Variants in C6orf132 observed in about 807,000 individuals in gnomAD.
C6orf132 encodes the protein uncharacterized protein C6orf132.
A neutral mutation model predicts 65.3 loss-of-function variants in C6orf132; 43 were observed. The ratio of observed to expected loss-of-function variants is 0.66; its 90% CI spans 0.52 to 0.85. The LOEUF (loss-of-function observed/expected upper bound fraction) is 0.85, where lower values mean the gene tolerates loss of function less well. Ranked by LOEUF, C6orf132 falls within the 40% of genes least tolerant of loss-of-function variation. The pLI is 0.00. For synonymous variants in C6orf132, 631 were observed against 654.1 expected, an observed-to-expected ratio of 0.96 and a Z score of 0.54; for missense variants, 1,488 against 1,548.8, an observed-to-expected ratio of 0.96 and a Z score of 0.66.
rs543323297 is a variant in C6orf132 at position 42,105,917 on chromosome 6, G to A, written c.1995C>T (p.Ala665=). The change falls in exon 4 of 5, where the codon GCC becomes GCT. Residue 665 remains alanine, a synonymous_variant. Transcript: ENST00000341865. ...ATLWPATPPK[A]TLGPATPLKA... Reference sequence around the variant, plus strand: ...TGAGTGGTGTGGCTGGCCCAAGTGTGGCCTTGGGTGGTGTGGCTGGCCAAA... The same window carrying A: ...TGAGTGGTGTGGCTGGCCCAAGTGTAGCCTTGGGTGGTGTGGCTGGCCAAA... 1.3e-6 allele frequency: 2 copies of A among 1,536,932 alleles called. No individual in the cohort carries two copies. Among genetic ancestry groups the A allele is most frequent in the Non-Finnish European group, 1.7e-6 (2 of 1,146,892 alleles).
chr6:42,110,117 T>C, intron 3 of C6orf132, 99 bp downstream of exon 3: 1 of 983,246 alleles, frequency 1.0e-6, no homozygotes, highest in South Asian at 1.7e-5. Flanking sequence ...GACTCTGGCT[T>C]TGTCACCAGC....
chr6:42,106,939 G>C lies in C6orf132; in HGVS notation c.973C>G (p.Arg325Gly), dbSNP rs372514277. Residue 325 changes from arginine (R) to glycine (G), a missense_variant, in exon 4 of 5, where the codon CGA (arginine) becomes GGA (glycine). Transcript: ENST00000341865. Reference sequence around the variant, plus strand: ...TTCTTGGTGGCCCCCTCTTCCTTTCGGGGAGCCTCTTGTGCTTCCTGAACT... The same window carrying C: ...TTCTTGGTGGCCCCCTCTTCCTTTCCGGGAGCCTCTTGTGCTTCCTGAACT... ...IPVQEAQEAPRKEEGATKKAP... is the reference protein window; with the variant it reads ...IPVQEAQEAPGKEEGATKKAP... The C allele has an allele frequency of 1.2e-5, 18 of 1,536,268 alleles. No individual in the cohort carries two copies. Among genetic ancestry groups the C allele is most frequent in the Non-Finnish European group, 1.6e-5 (18 of 1,146,564 alleles).
chr6:42,139,535 T>C (rs555329052), intron 1 of C6orf132, among the ~76,000 whole-genome samples: 23 of 152,346 alleles, frequency 1.5e-4, no homozygotes, highest in African/African-American at 5.5e-4. Context: ...GTTGGTTATG[T>C]TCTAATAAAA....
At chr6:42,136,404 G>A (rs1161368738) in intron 1 of C6orf132, among the ~76,000 whole-genome samples, 1 of 152,214 alleles carries the variant, frequency 6.6e-6, no homozygotes, top group African/African-American at 2.4e-5. Flanking sequence ...AATGACTTCA[G>A]GAGCACCGGC....
chr6:42,116,814 A>G (rs1231421670), intron 2 of C6orf132, among the ~76,000 whole-genome samples: 2 of 152,124 alleles, frequency 1.3e-5, no homozygotes, highest in Non-Finnish European at 2.9e-5. Flanking sequence ...CGACTCATGA[A>G]CAAGTGTGCT....
In C6orf132 at chr6:42,104,455, C is replaced by T. The variant is rs1766351328; in HGVS notation, c.3449+8G>A. ...TGGCTTCCCGCACCAGCCGGGCCCG[C>T]AGCTCACCTGCCGGCAGCTGGGGCG... is the stretch of plus-strand genomic sequence containing the variant. On this transcript the variant is annotated splice_region_variant and intron_variant, in intron 4 of 4. Transcript: ENST00000341865. The surrounding 1 kb of genome is among the most constrained non-coding windows in gnomAD (Gnocchi z 4.1). The T allele has an allele frequency of 1.6e-6, 2 of 1,230,778 alleles. No homozygotes were observed. Among genetic ancestry groups the T allele is most frequent in the Non-Finnish European group, 2.0e-6 (2 of 987,470 alleles). 76.2% of individuals were successfully genotyped at this position (1,230,778 alleles called of 1,614,324 possible).
chr6:42,102,779 C>G lies in C6orf132; in HGVS notation c.*982G>C, dbSNP rs1766314518. 3.5e-6 allele frequency: 1 copy of G among 283,984 alleles called. No individual in the cohort carries two copies. The highest frequency in any genetic ancestry group is 5.7e-5 in the East Asian group (1 of 17,540). The allele number at this position is 283,984 out of a possible 1,614,324, so 17.6% of individuals were successfully genotyped here. On this transcript the variant is annotated 3_prime_UTR_variant, in exon 5 of 5. Transcript: ENST00000341865. Reference sequence around the variant, plus strand: ...CAGCAAGCTTCTTCAGACCTCCATTCCCATCTCTGCTGCCTCCACTCTCCA... The same window carrying G: ...CAGCAAGCTTCTTCAGACCTCCATTGCCATCTCTGCTGCCTCCACTCTCCA...
At chr6:42,130,294 G>T (rs373301374) in intron 1 of C6orf132, among the ~76,000 whole-genome samples, 1 of 152,246 alleles carries the variant, frequency 6.6e-6, no homozygotes, top group African/African-American at 2.4e-5. Flanking sequence ...TGAGGCTGCA[G>T]ACCAAGATCA....
intron 4 of C6orf132, 90 bp from the exon 5 acceptor site, chr6:42,103,968 GC>G: frequency 1.1e-6 from 1 of 912,582 alleles, no homozygotes; most frequent in Non-Finnish European, 1.5e-6. Flanking sequence ...AGGAAAAGAT[GC>G]TGCTCATACT....
In C6orf132 at chr6:42,107,592, A is replaced by T; in HGVS notation, c.329-9T>A. 6.4e-7 allele frequency: 1 copy of T among 1,550,694 alleles called. No homozygotes were observed. Among genetic ancestry groups the T allele is most frequent in the South Asian group, 1.2e-5 (1 of 84,040 alleles). Reference sequence around the variant, plus strand: ...GACTAGTGAGCTGGTACCTGAAAGAAGGAGAGGCAAAGATGGGGGGCAGGA... The same window carrying T: ...GACTAGTGAGCTGGTACCTGAAAGATGGAGAGGCAAAGATGGGGGGCAGGA... On this transcript the variant is annotated splice_polypyrimidine_tract_variant and intron_variant, in intron 3 of 4. Coordinates refer to ENST00000341865, the MANE Select transcript of C6orf132 (RefSeq NM_001164446.3).
intron 2 of C6orf132, among the ~76,000 whole-genome samples, chr6:42,127,967 C>T (rs972857050): frequency 6.6e-6 from 1 of 151,098 alleles, no homozygotes; most frequent in African/African-American, 2.4e-5. Flanking sequence ...CTCTGTCACC[C>T]AGGCTGGAGG....
intron 2 of C6orf132, among the ~76,000 whole-genome samples, chr6:42,125,494 G>A (rs1441791416): frequency 6.6e-6 from 1 of 152,154 alleles, no homozygotes; most frequent in South Asian, 2.1e-4. Context: ...GGCTCCATCT[G>A]CCTTTCCCCG....
At chr6:42,119,120 G>A (rs1199658111) in intron 2 of C6orf132, among the ~76,000 whole-genome samples, 2 of 147,578 alleles carry the variant, frequency 1.4e-5, no homozygotes, top group African/African-American at 5.0e-5. Flanking sequence ...GCAGGCGCCT[G>A]TAATCCCAAC....
In C6orf132 at chr6:42,105,829, C is replaced by A; in HGVS notation, c.2083G>T (p.Ala695Ser). ...ATSGPAIAST[A>S]TTLPTTTSQL... ...GATGTGGTGGTGGGCAGAGTTGTGG[C>A]TGTAGATGCTATGGCAGGGCCAGAT... Residue 695 changes from alanine to serine, a missense_variant, in exon 4 of 5, where the codon GCC becomes TCC. By Grantham distance (99) the Ala-to-Ser change is moderately conservative. Transcript: ENST00000341865. 2 of 1,537,296 alleles carry A rather than the reference C, an allele frequency of 1.3e-6. No homozygotes were observed. Among genetic ancestry groups the A allele is most frequent in the Non-Finnish European group, 1.7e-6 (2 of 1,146,928 alleles).
At chr6:42,131,551 AGGGAAGAGCCATAATCCCACCATGTACG>A (rs1766853864) in intron 1 of C6orf132, among the ~76,000 whole-genome samples, 1 of 152,180 alleles carries the variant, frequency 6.6e-6, no homozygotes. Context: ...ACACCCCTAA[AGGGAAGAGCCATAATCCCACCATGTACG>A]GGGGTGAGGA....
rs1766310583 is a variant in C6orf132, at chr6:42,102,592, A to G, written c.*1169T>C. On this transcript the variant is annotated 3_prime_UTR_variant, in exon 5 of 5. Transcript: ENST00000341865. ...TTTTTTTTTTTTCCGTATTTTTAGT[A>G]GAGATGGGGTTTCACCATTTGGGCA... 1 of 144,096 alleles carries G rather than the reference A, an allele frequency of 6.9e-6. No individual in the cohort carries two copies. 8.9% of individuals were successfully genotyped at this position (144,096 alleles called of 1,614,324 possible). A position where few individuals can be genotyped will look rare whatever the true frequency, so the allele number is the denominator to read the frequency against.
intron 2 of C6orf132, among the ~76,000 whole-genome samples, chr6:42,117,923 CAAAAAA>C (rs556142891): frequency 0.055 from 3,429 of 62,440 alleles, 72 homozygotes; most frequent in African/African-American, 0.15. Flanking sequence ...AACCCTGTCA[CAAAAAA>C]AAAAAAAAAA....
intron 2 of C6orf132, among the ~76,000 whole-genome samples, chr6:42,115,365 G>A (rs1266315653): frequency 1.3e-5 from 2 of 151,166 alleles, no homozygotes; most frequent in Non-Finnish European, 2.9e-5. Flanking sequence ...ATGGTTAAAA[G>A]GCCGGGCGCA....
At chr6:42,110,496 A>G (rs1200164050) in intron 2 of C6orf132, among the ~76,000 whole-genome samples, 1 of 152,206 alleles carries the variant, frequency 6.6e-6, no homozygotes. Context: ...TATTTGTCAT[A>G]GTTATGTTCT....
Sources: allele counts gnomAD v4.1 joint callset (sites outside exome capture counted in the v4.1 genomes callset), GRCh38; gene constraint gnomAD v4.1.1; non-coding constraint Gnocchi (gnomAD v3.1); transcripts MANE v1.5; gene names NCBI Gene and HGNC (gene_info 2026-07-23, HGNC 2026-07-21).